Variants in CNTNAP2 observed in about 807,000 individuals in gnomAD.
CNTNAP2 encodes contactin associated protein 2, also known as contactin-associated protein-like 2.
Under a neutral mutation model 155.2 loss-of-function variants are expected in CNTNAP2, and 98 were observed. The ratio of observed to expected loss-of-function variants is 0.63; its 90% confidence interval spans 0.54 to 0.75. CNTNAP2 has a LOEUF of 0.75. Among genes scored for constraint, CNTNAP2 ranks in the 30% least tolerant of loss-of-function variants. CNTNAP2 has a pLI of 0.00. For synonymous variants in CNTNAP2, 651 were observed against 631.2 expected, an observed-to-expected ratio of 1.03 and a Z score of -0.47; for missense variants, 1,727 against 1,688.1, an observed-to-expected ratio of 1.02 and a Z score of -0.40.
At chr7:148,035,948 C>G (rs148028598) in intron 15 of CNTNAP2, among the ~76,000 whole-genome samples, 3 of 152,288 alleles carry the variant, frequency 2.0e-5, no homozygotes, top group East Asian at 1.9e-4. Context: ...TAGTGTTCAC[C>G]CTGTTGGCTT....
chr7:147,134,253 G>A (rs1801434780), intron 8 of CNTNAP2, among the ~76,000 whole-genome samples: 1 of 151,870 alleles, frequency 6.6e-6, no homozygotes, highest in African/African-American at 2.4e-5. Flanking sequence ...AGTACTCCAA[G>A]ATACTCTCAC....
At chr7:148,007,539 G>C (rs1282072624) in intron 15 of CNTNAP2, among the ~76,000 whole-genome samples, 1 of 151,872 alleles carries the variant, frequency 6.6e-6, no homozygotes, top group East Asian at 2.0e-4. Flanking sequence ...GGGAACATAG[G>C]TTTGAGGCTG....
intron 4 of CNTNAP2, among the ~76,000 whole-genome samples, chr7:147,067,289 C>CAAAAA (rs36080849): frequency 1.5e-5 from 1 of 67,986 alleles, no homozygotes; most frequent in Non-Finnish European, 2.7e-5. Flanking sequence ...GACTCCGTCT[C>CAAAAA]AAAAAAAAAA....
chr7:147,544,644 T>C (rs1208569575), intron 11 of CNTNAP2, among the ~76,000 whole-genome samples: 1 of 152,098 alleles, frequency 6.6e-6, no homozygotes, highest in East Asian at 1.9e-4. Flanking sequence ...TATATATATA[T>C]GTGATAAGAT....
chr7:148,296,860 A>C (rs1432842257), intron 21 of CNTNAP2, among the ~76,000 whole-genome samples: 1 of 152,166 alleles, frequency 6.6e-6, no homozygotes, highest in Non-Finnish European at 1.5e-5. Context: ...AAGGGTTCGA[A>C]ATCATGACCC....
intron 22 of CNTNAP2, among the ~76,000 whole-genome samples, chr7:148,384,151 A>T (rs903284018): frequency 1.3e-5 from 2 of 152,208 alleles, no homozygotes; most frequent in African/African-American, 4.8e-5. Context: ...ACTTGCCTAA[A>T]CTGATGTCTG....
chr7:147,941,980 A>C (rs1281725553), intron 14 of CNTNAP2, among the ~76,000 whole-genome samples: 1 of 152,188 alleles, frequency 6.6e-6, no homozygotes, highest in Non-Finnish European at 1.5e-5. Context: ...AACTGACTTT[A>C]CTGAATGTTG....
intron 2 of CNTNAP2, among the ~76,000 whole-genome samples, chr7:146,789,968 TTGTA>T (rs1802642171): frequency 6.6e-6 from 1 of 151,592 alleles, no homozygotes; most frequent in African/African-American, 2.4e-5. Context: ...CAATATCCCA[TTGTA>T]TGATCATTAT....
chr7:147,703,179 G>A (rs1159236865), intron 13 of CNTNAP2, among the ~76,000 whole-genome samples: 4 of 151,794 alleles, frequency 2.6e-5, no homozygotes, highest in African/African-American at 9.7e-5. Flanking sequence ...CCTTCCCATC[G>A]AGAGAAGACG....
At chr7:148,111,291 G>T (rs1585131209) in intron 15 of CNTNAP2, among the ~76,000 whole-genome samples, 1 of 152,120 alleles carries the variant, frequency 6.6e-6, no homozygotes, top group Non-Finnish European at 1.5e-5. Context: ...GAAAGCAGAA[G>T]AAAACTTTTG....
At chr7:147,474,029 A>G (rs1348293995) in intron 10 of CNTNAP2, among the ~76,000 whole-genome samples, 22 of 152,054 alleles carry the variant, frequency 1.4e-4, no homozygotes, top group Admixed American at 1.4e-3. Context: ...TGGTGAGCCG[A>G]GATCGCACCA....
At chr7:146,361,043 CAT>C (rs2129100823) in intron 1 of CNTNAP2, among the ~76,000 whole-genome samples, 1 of 152,232 alleles carries the variant, frequency 6.6e-6, no homozygotes, top group African/African-American at 2.4e-5. Flanking sequence ...TAATTGCAAA[CAT>C]GTCAATATTT....
At chr7:147,211,260 C>A (rs1368501081) in intron 8 of CNTNAP2, among the ~76,000 whole-genome samples, 1 of 151,894 alleles carries the variant, frequency 6.6e-6, no homozygotes, top group East Asian at 1.9e-4. Context: ...GTGTGGCTGT[C>A]TAGTTCTTTT....
intron 10 of CNTNAP2, among the ~76,000 whole-genome samples, chr7:147,405,369 T>A (rs1377006187): frequency 6.6e-6 from 1 of 152,234 alleles, no homozygotes; most frequent in Non-Finnish European, 1.5e-5. Flanking sequence ...CTTGAATACA[T>A]TGCAGTTACG....
chr7:146,393,444 A>G (rs960069480), intron 1 of CNTNAP2, among the ~76,000 whole-genome samples: 2 of 152,164 alleles, frequency 1.3e-5, no homozygotes, highest in African/African-American at 4.8e-5. Context: ...TAATGTGGCC[A>G]TGATGGTGTC....
intron 11 of CNTNAP2, among the ~76,000 whole-genome samples, chr7:147,536,580 T>G (rs747324367): frequency 6.6e-6 from 1 of 151,956 alleles, no homozygotes; most frequent in Non-Finnish European, 1.5e-5. Context: ...TTTTTGCGAG[T>G]GAGGGGAAAT....
chr7:146,411,814 TTTTATTTATTTAC>T (rs1316506317), intron 1 of CNTNAP2, among the ~76,000 whole-genome samples: 4 of 117,066 alleles, frequency 3.4e-5, no homozygotes, highest in African/African-American at 2.1e-4. Context: ...TTTTATTTTA[TTTTATTTATTTAC>T]TTATTTATTT....
chr7:146,850,845 T>C (rs1252000336), intron 3 of CNTNAP2, among the ~76,000 whole-genome samples: 1 of 152,180 alleles, frequency 6.6e-6, no homozygotes, highest in Non-Finnish European at 1.5e-5. Flanking sequence ...AAACCAAAGC[T>C]ACCTAACTAA....
intron 11 of CNTNAP2, among the ~76,000 whole-genome samples, chr7:147,528,438 G>A (rs535655171): frequency 1.3e-5 from 2 of 152,276 alleles, no homozygotes; most frequent in Admixed American, 1.3e-4. Context: ...AGCATGAACA[G>A]AACCTTACTC....
Sources: allele counts gnomAD v4.1 joint callset (sites outside exome capture counted in the v4.1 genomes callset), GRCh38; gene constraint gnomAD v4.1.1; transcripts MANE v1.5; gene names NCBI Gene and HGNC (gene_info 2026-07-23, HGNC 2026-07-21).